PEMT: variants seen among roughly 807,000 people sequenced by gnomAD.
PEMT encodes the protein phospholipid methyltransferase.
In PEMT, 23 loss-of-function variants were observed where a neutral mutation model predicts 27.4. That is an observed-to-expected ratio of 0.84 (90% CI 0.60 to 1.19). The LOEUF (loss-of-function observed/expected upper bound fraction) is 1.19, where lower values mean the gene tolerates loss of function less well. PEMT is among the 50% of genes most tolerant of loss of function. The pLI, the probability that PEMT is intolerant of heterozygous loss-of-function variation, is 0.00. For synonymous variants in PEMT, 137 were observed against 139.1 expected (o/e 0.98, Z 0.11); for missense variants, 307 against 310.1 (o/e 0.99, Z 0.07).
At chr17:17,515,079 G>T (rs751333626) in intron 3 of PEMT, among the ~76,000 whole-genome samples, 1 of 152,160 alleles carries the variant, frequency 6.6e-6, no homozygotes, top group African/African-American at 2.4e-5. Context: ...GGGGGTGGGC[G>T]CAGAGGCCAG....
intron 2 of PEMT, among the ~76,000 whole-genome samples, chr17:17,560,879 C>T (rs186844614): frequency 2.6e-5 from 4 of 152,038 alleles, no homozygotes; most frequent in East Asian, 2.0e-4. Flanking sequence ...CCTGAGCTTC[C>T]GCTTGTCCTT....
intron 2 of PEMT, among the ~76,000 whole-genome samples, chr17:17,544,330 G>A (rs990708382): frequency 2.0e-5 from 3 of 151,318 alleles, no homozygotes; most frequent in Non-Finnish European, 4.4e-5. Context: ...GCCCAGGCTG[G>A]AGTGCAATGG....
intron 2 of PEMT, among the ~76,000 whole-genome samples, chr17:17,531,802 G>C (rs1908120123): frequency 6.6e-6 from 1 of 151,922 alleles, no homozygotes; most frequent in Non-Finnish European, 1.5e-5. Flanking sequence ...GAATCTTTAT[G>C]ATCTTGGATT....
At chr17:17,522,175 T>G in intron 3 of PEMT, 105 bp downstream of exon 3, 1 of 784,876 alleles carries the variant, frequency 1.3e-6, no homozygotes, top group Non-Finnish European at 2.2e-6. Context: ...AACCCCTGAG[T>G]GCTCAGACAC....
intron 2 of PEMT, among the ~76,000 whole-genome samples, chr17:17,571,221 C>A (rs944743734): frequency 1.3e-5 from 2 of 152,068 alleles, no homozygotes; most frequent in African/African-American, 4.8e-5. Flanking sequence ...GGCAGGTTCT[C>A]GGTGACTATT....
intron 2 of PEMT, among the ~76,000 whole-genome samples, chr17:17,545,729 G>A (rs1003862702): frequency 3.9e-5 from 6 of 152,184 alleles, no homozygotes; most frequent in Admixed American, 6.5e-5. Context: ...GTTGTGCTGA[G>A]GTAGGAAATG....
chr17:17,560,165 CG>C (rs1847257229), intron 2 of PEMT, among the ~76,000 whole-genome samples: 1 of 152,212 alleles, frequency 6.6e-6, no homozygotes. Context: ...AGGCAGGCAT[CG>C]GGTGAAGGCA....
chr17:17,591,642 G>C lies in PEMT; in HGVS notation c.-16C>G, dbSNP rs757709572. On this transcript the variant is annotated 5_prime_UTR_variant, in exon 1 of 7. Transcript: ENST00000255389. Reference sequence around the variant, plus strand: ...ATCTCTTCATCCGGGGGCCGCCTCAGGAGGCACCACGCGGGCCCCGCTGCA... The same window carrying C: ...ATCTCTTCATCCGGGGGCCGCCTCACGAGGCACCACGCGGGCCCCGCTGCA... 6.8e-6 allele frequency: 11 copies of C among 1,606,900 alleles called. No homozygotes were observed. The highest frequency in any genetic ancestry group is 1.3e-5 in the African/African-American group (1 of 74,660).
Position 17,513,422 on chromosome 17 carries a change from C to T in PEMT, c.321-768G>A, listed in dbSNP as rs1555536708. Among the ~76,000 whole-genome samples, 1 of 152,084 alleles carries T rather than the reference C, an allele frequency of 6.6e-6. No individual in the cohort carries two copies. The highest frequency in any genetic ancestry group is 1.5e-5 in the Non-Finnish European group (1 of 68,026). ...GACCAGCCTGGCCAACATGGTGAAA[C>T]CCTGTCTCTACCCAAAATACAAAAA... On this transcript the variant is annotated intron_variant, in intron 3 of 6. Transcript: ENST00000255389. This position sits in a 1 kb window ranked among gnomAD's most constrained non-coding sequence, Gnocchi z 4.1.
At chr17:17,574,618 G>A (rs963130182) in intron 2 of PEMT, among the ~76,000 whole-genome samples, 9 of 152,084 alleles carry the variant, frequency 5.9e-5, no homozygotes, top group African/African-American at 1.9e-4. Flanking sequence ...ACCGCGCCCG[G>A]CCAAATCTTA....
chr17:17,590,513 A>ACT (rs58122499), intron 1 of PEMT, among the ~76,000 whole-genome samples: 6,036 of 152,192 alleles, frequency 0.04, 405 homozygotes, highest in African/African-American at 0.14. Context: ...CCTTCAGAGA[A>ACT]CTCTCTGGCT....
chr17:17,591,736 A>AC (rs1040262898), upstream of PEMT: 255 of 1,467,450 alleles, frequency 1.7e-4, 4 homozygotes, highest in Admixed American at 5.1e-3. Context: ...TTTCCCGGTG[A>AC]CCCCCAACAT....
chr17:17,576,784 G>A, intron 2 of PEMT, 136 bp downstream of exon 2: 2 of 707,646 alleles, frequency 2.8e-6, no homozygotes, highest in East Asian at 2.7e-5. Context: ...ACACCAGCCA[G>A]CGACAGACAC....
At chr17:17,583,074 A>G (rs1912064206) in intron 1 of PEMT, among the ~76,000 whole-genome samples, 1 of 148,968 alleles carries the variant, frequency 6.7e-6, no homozygotes, top group Admixed American at 6.7e-5. Flanking sequence ...AAAAAAAAAA[A>G]AAGAAGAAGT....
intron 1 of PEMT, among the ~76,000 whole-genome samples, chr17:17,584,986 C>T (rs1473012021): frequency 2.0e-5 from 3 of 152,246 alleles, no homozygotes; most frequent in African/African-American, 7.2e-5. Context: ...GCTGTGACAA[C>T]TGTGTCATCG....
rs1239424145 is a variant in PEMT at position 17,582,891 on chromosome 17, G to A, written c.97-5864C>T. On this transcript the variant is annotated intron_variant, in intron 1 of 6. Transcript: ENST00000255389. The surrounding 1 kb of genome is among the most constrained non-coding windows in gnomAD (Gnocchi z 4.9). ...AGCCTGGCCAATATGGTGAAACCCC[G>A]TTTCTACTAAAAATACAAAAATTAG... Among the ~76,000 whole-genome samples, 1 of 152,018 alleles carries A rather than the reference G, an allele frequency of 6.6e-6. No homozygotes were observed. The highest frequency in any genetic ancestry group is 1.5e-5 in the Non-Finnish European group (1 of 67,994).
At chr17:17,587,194 C>T (rs1912361755) in intron 1 of PEMT, among the ~76,000 whole-genome samples, 1 of 151,960 alleles carries the variant, frequency 6.6e-6, no homozygotes, top group Non-Finnish European at 1.5e-5. Context: ...CTCCAGCCAG[C>T]CTGACCAAGA....
At position 17,561,356 on chromosome 17, in the gene PEMT, C is replaced by T. The variant is rs1326547104; in HGVS notation, c.204+15564G>A. On this transcript the variant is annotated intron_variant, in intron 2 of 6. Coordinates refer to ENST00000255389, the MANE Select transcript of PEMT (RefSeq NM_148172.3). The surrounding 1 kb of genome is among the most constrained non-coding windows in gnomAD (Gnocchi z 4.5). ...AGTGAATGGCCAGCCACAGCCGGAA[C>T]CCAAGCGGTGAGGCTGCAAGCTGGA... is the stretch of plus-strand genomic sequence containing the variant. 1.3e-5 allele frequency among the ~76,000 whole-genome samples: 2 copies of T among 152,230 alleles called. No individual in the cohort carries two copies. Among genetic ancestry groups the T allele is most frequent in the Non-Finnish European group, 2.9e-5 (2 of 68,044 alleles).
chr17:17,590,332 C>T (rs543504285), intron 1 of PEMT, among the ~76,000 whole-genome samples: 1 of 152,346 alleles, frequency 6.6e-6, no homozygotes, highest in Non-Finnish European at 1.5e-5. Context: ...TCCTGTGCCT[C>T]CTGGAGGGCT....
Sources: gnomAD v4.1 joint callset for allele counts (sites outside exome capture counted in the v4.1 genomes callset) on GRCh38, gnomAD v4.1.1 for gene constraint, Gnocchi (gnomAD v3.1) non-coding constraint, MANE v1.5 for transcripts, NCBI Gene and HGNC (gene_info 2026-07-23, HGNC 2026-07-21) for gene names.